Variants in KCNJ6 observed in about 807,000 individuals in gnomAD.
KCNJ6 encodes the protein potassium inwardly rectifying channel subfamily J member 6, also known as G protein-activated inward rectifier potassium channel 2.
A neutral mutation model predicts 34.2 loss-of-function variants in KCNJ6; 9 were observed. The observed-to-expected ratio is 0.26, with a 90% CI of 0.16 to 0.46. The LOEUF (loss-of-function observed/expected upper bound fraction) is 0.46. KCNJ6 is among the 20% of genes least tolerant of loss of function. KCNJ6 has a pLI of 1.00. For missense variants in KCNJ6, 236 were observed against 531.3 expected, an observed-to-expected ratio of 0.44 and a Z score of 5.46; for synonymous variants, 196 against 207.1, an observed-to-expected ratio of 0.95 and a Z score of 0.46.
intron 3 of KCNJ6, among the ~76,000 whole-genome samples, chr21:37,631,946 G>A (rs1018743162): frequency 9.2e-5 from 14 of 152,066 alleles, no homozygotes; most frequent in African/African-American, 3.4e-4. Flanking sequence ...GAATTCCAGG[G>A]ACCAGAGTTT....
At chr21:37,734,300 G>T (rs1316254238) in intron 2 of KCNJ6, among the ~76,000 whole-genome samples, 1 of 152,114 alleles carries the variant, frequency 6.6e-6, no homozygotes, top group African/African-American at 2.4e-5. Flanking sequence ...TGAGGGGCTT[G>T]TGACTTTGTG....
chr21:37,683,860 T>G (rs1218334890), intron 3 of KCNJ6, among the ~76,000 whole-genome samples: 1 of 151,962 alleles, frequency 6.6e-6, no homozygotes, highest in Non-Finnish European at 1.5e-5. Context: ...GCAGCGGGGG[T>G]GAGCTGGCTT....
chr21:37,771,549 G>T (rs1440819377), intron 2 of KCNJ6, among the ~76,000 whole-genome samples: 1 of 152,128 alleles, frequency 6.6e-6, no homozygotes, highest in African/African-American at 2.4e-5. Flanking sequence ...TGATACACTT[G>T]AGCTGACTTT....
chr21:37,610,957 A>T lies in KCNJ6; in HGVS notation c.*14202T>A, dbSNP rs1029675228. On this transcript the variant is annotated 3_prime_UTR_variant, in exon 4 of 4. Transcript: ENST00000609713. The stretch of plus-strand genomic sequence containing the variant: ...AGAAAAAAAGAGCAAATTAAACCCA[A>T]AGTAAGCCAATGAGAAGAAATAATT... 2 of 152,128 alleles carry T rather than the reference A, an allele frequency of 1.3e-5. No homozygotes were observed. Among genetic ancestry groups the T allele is most frequent in the Non-Finnish European group, 2.9e-5 (2 of 68,008 alleles). 9.4% of individuals were successfully genotyped at this position (152,128 alleles called of 1,614,324 possible).
chr21:37,818,418 A>G (rs928020721), intron 2 of KCNJ6, among the ~76,000 whole-genome samples: 3 of 152,140 alleles, frequency 2.0e-5, no homozygotes, highest in Non-Finnish European at 2.9e-5. Context: ...ACAACATGAC[A>G]TTTTATAACA....
At chr21:37,881,383 G>A (rs1178256331) in intron 1 of KCNJ6, among the ~76,000 whole-genome samples, 3 of 152,096 alleles carry the variant, frequency 2.0e-5, no homozygotes, top group East Asian at 1.9e-4. Context: ...CTGTTGGCAG[G>A]GGTCAGTTCC....
chr21:37,649,132 C>CAAAAAAAAAAAAAAAA (rs1169306298), intron 3 of KCNJ6, among the ~76,000 whole-genome samples: 17 of 39,996 alleles, frequency 4.3e-4, no homozygotes, highest in South Asian at 1.2e-3. Context: ...GACTCCATCT[C>CAAAAAAAAAAAAAAAA]AAAAAAAAAA....
chr21:37,855,874 C>T (rs1447227682), intron 1 of KCNJ6, among the ~76,000 whole-genome samples: 1 of 152,222 alleles, frequency 6.6e-6, no homozygotes, highest in Non-Finnish European at 1.5e-5. Context: ...TGACTCTCTC[C>T]ACTTTTAGCT....
intron 3 of KCNJ6, among the ~76,000 whole-genome samples, chr21:37,629,472 C>A (rs2054324711): frequency 6.6e-6 from 1 of 152,052 alleles, no homozygotes; most frequent in African/African-American, 2.4e-5. Context: ...GAGATGGGAT[C>A]TTTAAAGAGT....
At chr21:37,849,766 C>A (rs554445654) in intron 1 of KCNJ6, among the ~76,000 whole-genome samples, 91 of 152,342 alleles carry the variant, frequency 6.0e-4, no homozygotes, top group African/African-American at 2.2e-3. Flanking sequence ...CCCATCCCCT[C>A]TGCACCTTAG....
intron 1 of KCNJ6, among the ~76,000 whole-genome samples, chr21:37,878,767 G>A (rs1568882307): frequency 6.6e-6 from 1 of 152,178 alleles, no homozygotes; most frequent in Non-Finnish European, 1.5e-5. Flanking sequence ...GAGGGTCCGG[G>A]AGGGAAAGGT....
intron 1 of KCNJ6, among the ~76,000 whole-genome samples, chr21:37,862,498 G>A (rs1303642901): frequency 6.6e-6 from 1 of 152,232 alleles, no homozygotes; most frequent in African/African-American, 2.4e-5. Flanking sequence ...AACTGCAGGG[G>A]AAATTATGAT....
At chr21:37,628,610 A>G (rs1033699506) in intron 3 of KCNJ6, among the ~76,000 whole-genome samples, 1 of 152,226 alleles carries the variant, frequency 6.6e-6, no homozygotes, top group African/African-American at 2.4e-5. Flanking sequence ...AGAAAATAGC[A>G]GAAGGATTAT....
At chr21:37,658,718 G>T (rs2054475292) in intron 3 of KCNJ6, among the ~76,000 whole-genome samples, 1 of 152,182 alleles carries the variant, frequency 6.6e-6, no homozygotes, top group Non-Finnish European at 1.5e-5. Context: ...TGGCTCACTG[G>T]GGTGGAAGGG....
At position 37,733,934 on chromosome 21, in the gene KCNJ6, C is replaced by T. The variant is rs561596210; in HGVS notation, c.26-18803G>A. On this transcript the variant is annotated intron_variant, in intron 2 of 3. Transcript: ENST00000609713. ...CTCAGACAACTTGGTTTCCTGTGAA[C>T]CAGGCACATGCATGTTCTTCAAAAT... Among the ~76,000 whole-genome samples, 5 of 152,316 alleles carry T rather than the reference C, an allele frequency of 3.3e-5. No homozygotes were observed. The South Asian group carries it at 1.0e-3, about 32-fold the overall frequency.
Position 37,661,321 on chromosome 21 carries a change from C to T in KCNJ6, c.947-35837G>A, listed in dbSNP as rs183081772. ...TTCTAATTATTTGCTTTTAACAAAA[C>T]GGAAACAGCTTATGGGTAATTTAAA... On this transcript the variant is annotated intron_variant, in intron 3 of 3. Coordinates refer to ENST00000609713, the MANE Select transcript of KCNJ6 (RefSeq NM_002240.5). Among the ~76,000 whole-genome samples, 4 of 152,192 alleles carry T rather than the reference C, an allele frequency of 2.6e-5. No individual in the cohort carries two copies. The East Asian group carries it at 5.8e-4, about 22-fold the overall frequency.
chr21:37,622,505 T>G lies in KCNJ6; in HGVS notation c.*2654A>C, dbSNP rs911619652. ...AACAACTGTAGAAAAATAGACATGTTTGATAGGGACATTCTAGTAAAAGGT... is the reference window on the plus strand; with the variant it reads ...AACAACTGTAGAAAAATAGACATGTGTGATAGGGACATTCTAGTAAAAGGT... On this transcript the variant is annotated 3_prime_UTR_variant, in exon 4 of 4. Coordinates refer to ENST00000609713, the MANE Select transcript of KCNJ6 (RefSeq NM_002240.5). The G allele has an allele frequency of 3.3e-5, 5 of 152,210 alleles. No homozygotes were observed. Among genetic ancestry groups the G allele is most frequent in the Non-Finnish European group, 7.3e-5 (5 of 68,028 alleles). 9.4% of individuals were successfully genotyped at this position (152,210 alleles called of 1,614,324 possible). A position where few individuals can be genotyped will look rare whatever the true frequency, so the allele number is the denominator to read the frequency against.
intron 2 of KCNJ6, among the ~76,000 whole-genome samples, chr21:37,804,813 A>G (rs2055285844): frequency 6.6e-6 from 1 of 152,184 alleles, no homozygotes; most frequent in Non-Finnish European, 1.5e-5. Flanking sequence ...TTCTTTACCC[A>G]GTCTATCATT....
At chr21:37,817,951 C>T (rs1010663975) in intron 2 of KCNJ6, among the ~76,000 whole-genome samples, 3 of 152,190 alleles carry the variant, frequency 2.0e-5, no homozygotes, top group African/African-American at 7.2e-5. Flanking sequence ...ACTAGACAAA[C>T]TGGATATTGG....
Sources: allele counts gnomAD v4.1 joint callset (sites outside exome capture counted in the v4.1 genomes callset), GRCh38; gene constraint gnomAD v4.1.1; transcripts MANE v1.5; gene names NCBI Gene and HGNC (gene_info 2026-07-23, HGNC 2026-07-21).